ITGA2: variants seen among roughly 807,000 people sequenced by gnomAD.
ITGA2 encodes the protein integrin subunit alpha 2, also known as integrin alpha-2.
A neutral mutation model predicts 146.3 loss-of-function variants in ITGA2; 101 were observed. The observed-to-expected ratio is 0.69, with a 90% CI of 0.59 to 0.81. The LOEUF (loss-of-function observed/expected upper bound fraction) is 0.81, where lower values mean the gene tolerates loss of function less well. Among genes scored for constraint, ITGA2 ranks in the 40% least tolerant of loss-of-function variants. The pLI, the probability that ITGA2 is intolerant of heterozygous loss-of-function variation, is 0.00. For missense variants in ITGA2, 1,281 were observed against 1,402.7 expected (o/e 0.91, Z 1.39); for synonymous variants, 477 against 487.1 (o/e 0.98, Z 0.27).
At chr5:52,994,814 G>C (rs1741153849) in intron 1 of ITGA2, among the ~76,000 whole-genome samples, 2 of 152,136 alleles carry the variant, frequency 1.3e-5, no homozygotes, top group South Asian at 4.1e-4. Context: ...TAGATGTCAT[G>C]TGTTCACAAT....
chr5:53,030,436 A>G (rs1157317990), intron 2 of ITGA2, among the ~76,000 whole-genome samples: 1 of 152,192 alleles, frequency 6.6e-6, no homozygotes, highest in East Asian at 1.9e-4. Flanking sequence ...AAGGTGTAGC[A>G]CTGAGATTAG....
At chr5:53,089,288 A>C (rs1196132780) in intron 28 of ITGA2, 1 of 152,162 alleles carries the variant, frequency 6.6e-6, no homozygotes. Context: ...CAATTAATTA[A>C]ATTTCCCCTA....
chr5:53,080,532 G>C lies in ITGA2; in HGVS notation c.2950G>C (p.Val984Leu), dbSNP rs1269098255. ...SLKVTTGSVP[V>L]SMATVIIHIP... The stretch of plus-strand genomic sequence containing the variant: ...ATAGGTAACAACAGGAAGTGTTCCA[G>C]TAAGCATGGCAACTGTAATCATCCA... The change falls in exon 25 of 30, where the codon GTA (valine) becomes CTA (leucine). Residue 984 changes from valine (V) to leucine (L), a missense_variant. Val to Leu is a conservative substitution (Grantham distance 32, BLOSUM62 1). Transcript: ENST00000296585. 1.2e-6 allele frequency: 2 copies of C among 1,613,480 alleles called. No individual in the cohort carries two copies. The highest frequency in any genetic ancestry group is 1.7e-4 in the Middle Eastern group (1 of 6,056).
In ITGA2 at chr5:53,003,680, C is replaced by A. The variant is rs560030751; in HGVS notation, c.64+14148C>A. On this transcript the variant is annotated intron_variant, in intron 1 of 29. Transcript: ENST00000296585. ...ATTCATCAAAGCAATCACAAAGTCT[C>A]ACCTAGATTCAGGGGGAGGAGACTT... Among the ~76,000 whole-genome samples, 12 of 152,302 alleles carry A rather than the reference C, an allele frequency of 7.9e-5. No homozygotes were observed. In the East Asian group the frequency reaches 1.9e-3, roughly 24 times the overall value.
intron 1 of ITGA2, among the ~76,000 whole-genome samples, chr5:53,000,879 T>TTTTTTC (rs1411440215): frequency 2.6e-4 from 39 of 150,638 alleles, no homozygotes; most frequent in African/African-American, 8.5e-4. Context: ...GCATTTTCTT[T>TTTTTTC]TTTTTCTTTT....
At chr5:53,006,738 G>T (rs935508549) in intron 1 of ITGA2, among the ~76,000 whole-genome samples, 17 of 152,070 alleles carry the variant, frequency 1.1e-4, no homozygotes, top group Non-Finnish European at 1.8e-4. Flanking sequence ...AAGTTTCAGG[G>T]GCCCTCCCTG....
At chr5:53,066,365 A>T (rs952473883) in intron 15 of ITGA2, among the ~76,000 whole-genome samples, 1 of 151,932 alleles carries the variant, frequency 6.6e-6, no homozygotes, top group Admixed American at 6.6e-5. Context: ...TGTAACTTCT[A>T]TGTGACTGAA....
In ITGA2 at chr5:53,072,594, C is replaced by T; in HGVS notation, c.2347-19C>T. On this transcript the variant is annotated intron_variant, in intron 18 of 29. Coordinates refer to ENST00000296585, the MANE Select transcript of ITGA2 (RefSeq NM_002203.4). ...TCAACCCAAGAGCAAATGTATGGATCTTTTTTCCTTTTTCGTAGATTCCTT... is the reference window on the plus strand; with the variant it reads ...TCAACCCAAGAGCAAATGTATGGATTTTTTTTCCTTTTTCGTAGATTCCTT... The T allele has an allele frequency of 6.3e-7, 1 of 1,596,348 alleles. No homozygotes were observed. Among genetic ancestry groups the T allele is most frequent in the Non-Finnish European group, 8.6e-7 (1 of 1,167,352 alleles).
intron 1 of ITGA2, among the ~76,000 whole-genome samples, chr5:53,012,583 G>T (rs1333050184): frequency 6.6e-6 from 1 of 152,034 alleles, no homozygotes; most frequent in Non-Finnish European, 1.5e-5. Flanking sequence ...TGTCTTTATG[G>T]TAAAACAATT....
Position 53,065,869 on chromosome 5 carries a change from G to C in ITGA2, c.1835G>C (p.Arg612Thr). 6.2e-7 allele frequency: 1 copy of C among 1,611,984 alleles called. No individual in the cohort carries two copies. The highest frequency in any genetic ancestry group is 8.5e-7 in the Non-Finnish European group (1 of 1,178,686). Residue 612 changes from arginine (R) to threonine (T), a missense_variant, in exon 15 of 30, where the codon AGG (arginine) becomes ACG (threonine). Physicochemically the swap from Arg to Thr is moderately conservative, Grantham distance 71. Transcript: ENST00000296585. ...QKILGSDGAF[R>T]SHLQYFGRSL... ...ATCTTGGGATCCGATGGAGCCTTTA[G>C]GAGCCATCTCCAGTACTTTGGGAGG...
intron 1 of ITGA2, chr5:52,990,079 C>T (rs41308291): frequency 0.021 from 3,303 of 160,262 alleles, 130 homozygotes; most frequent in East Asian, 0.15. Context: ...AATAATGCCT[C>T]TATTTCTTAC....
At position 53,074,385 on chromosome 5, in the gene ITGA2, G is replaced by T. The variant is rs750714346; in HGVS notation, c.2572G>T (p.Val858Phe). ...NLFFASFSLP[V>F]DGTEVTCQVA... ...TTGTTGTTTCCTTGGTCTTGTTCAG[G>T]TTGATGGGACAGAAGTAACATGCCA... Residue 858 changes from valine to phenylalanine, a missense_variant and splice_region_variant, in exon 21 of 30, where the codon GTT (valine) becomes TTT (phenylalanine). Physicochemically the swap from Val to Phe is conservative, Grantham distance 50 (BLOSUM62 -1). Around this residue, in one of 3 missense-constraint regions of ITGA2, gnomAD observed 475 missense variants for 530.5 expected, o/e 0.90. Transcript: ENST00000296585. 6.2e-7 allele frequency: 1 copy of T among 1,611,706 alleles called. No homozygotes were observed.
Position 53,028,099 on chromosome 5 carries a change from A to C in ITGA2, c.185+1231A>C, listed in dbSNP as rs146718788. ...CTGTCTCAAAAAAAAAAGAGGAAAA[A>C]ACCGTAACTGTAATTCATAAGCCTT... On this transcript the variant is annotated intron_variant, in intron 2 of 29. Coordinates refer to ENST00000296585, the MANE Select transcript of ITGA2 (RefSeq NM_002203.4). 9.7e-4 allele frequency among the ~76,000 whole-genome samples: 147 copies of C among 152,224 alleles called. 1 individual carries two copies. The highest frequency in any genetic ancestry group is 3.4e-3 in the African/African-American group (141 of 41,532).
At chr5:53,057,968 GA>G in intron 9 of ITGA2, 56 bp from the exon 10 acceptor site, 2 of 1,333,728 alleles carry the variant, frequency 1.5e-6, no homozygotes, top group Non-Finnish European at 2.2e-6. Context: ...GCTTGTGTTT[GA>G]AAACTTGATT....
Position 53,072,739 on chromosome 5 carries a change from G to T in ITGA2, c.2429+44G>T, listed in dbSNP as rs960918012. 2.8e-6 allele frequency: 4 copies of T among 1,405,394 alleles called. No individual in the cohort carries two copies. In the African/African-American group the frequency reaches 4.3e-5, roughly 15 times the overall value. 87.1% of individuals were successfully genotyped at this position (1,405,394 alleles called of 1,614,324 possible). A position where few individuals can be genotyped will look rare whatever the true frequency, so the allele number is the denominator to read the frequency against. ...CTTGTTGTAAAATGTAGAAATAAAA[G>T]ACATACTAGATTACTTTATTCAAAC... On this transcript the variant is annotated intron_variant, in intron 19 of 29. Coordinates refer to ENST00000296585, the MANE Select transcript of ITGA2 (RefSeq NM_002203.4).
chr5:53,074,476 A>G lies in ITGA2; in HGVS notation c.2663A>G (p.Gln888Arg), dbSNP rs1745563110. 6.2e-7 allele frequency: 1 copy of G among 1,610,688 alleles called. No homozygotes were observed. The highest frequency in any genetic ancestry group is 8.5e-7 in the Non-Finnish European group (1 of 1,177,544). Reference protein sequence around the residue: ...VGYPALKREQQVTFTINFDFN... With the variant: ...VGYPALKREQRVTFTINFDFN... The stretch of plus-strand genomic sequence containing the variant: ...TACCCTGCTTTAAAGAGAGAACAAC[A>G]GGTACAACTTGCATTTCATCCTCCA... The change falls in exon 21 of 30, where the codon CAG becomes CGG. Residue 888 changes from glutamine (Q) to arginine (R), a missense_variant and splice_region_variant. Transcript: ENST00000296585.
chr5:53,069,180 C>T (rs1745275104), intron 16 of ITGA2, among the ~76,000 whole-genome samples: 1 of 151,848 alleles, frequency 6.6e-6, no homozygotes, highest in African/African-American at 2.4e-5. Context: ...GCAGCTGATG[C>T]TGTGAATGGC....
intron 1 of ITGA2, among the ~76,000 whole-genome samples, chr5:53,015,767 C>T (rs1182142594): frequency 6.6e-6 from 1 of 151,986 alleles, no homozygotes; most frequent in Non-Finnish European, 1.5e-5. Context: ...AATCTGGGTG[C>T]CCCTATTTTG....
chr5:53,090,617 C>G lies in ITGA2; in HGVS notation c.*18C>G. 6.3e-7 allele frequency: 1 copy of G among 1,595,730 alleles called. No homozygotes were observed. Among genetic ancestry groups the G allele is most frequent in the Non-Finnish European group, 8.6e-7 (1 of 1,163,316 alleles). On this transcript the variant is annotated 3_prime_UTR_variant, in exon 30 of 30. Transcript: ENST00000296585. ...GTAGCTGAACCAGCAGACCTACCTGCAGTGGGAACCGGCAGCATCCCAGCC... is the reference window on the plus strand; with the variant it reads ...GTAGCTGAACCAGCAGACCTACCTGGAGTGGGAACCGGCAGCATCCCAGCC...
Sources: gnomAD v4.1 joint callset for allele counts (sites outside exome capture counted in the v4.1 genomes callset) on GRCh38, gnomAD v4.1.1 for gene constraint, gnomAD v4.1.1 regional missense constraint, MANE v1.5 for transcripts, NCBI Gene and HGNC (gene_info 2026-07-23, HGNC 2026-07-21) for gene names.